Variants in DBX2 observed in about 807,000 individuals in gnomAD.
DBX2 encodes homeobox protein DBX2.
In DBX2, 16 loss-of-function variants were observed where a neutral mutation model predicts 17.7. That is an observed-to-expected ratio of 0.90 (90% CI 0.61 to 1.37). The LOEUF is 1.37. Ranked by LOEUF, DBX2 falls within the 40% of genes most tolerant of loss-of-function variation. The pLI, the probability that DBX2 is intolerant of heterozygous loss-of-function variation, is 0.00. For missense variants in DBX2, 538 were observed against 433.8 expected (o/e 1.24, Z -2.13); for synonymous variants, 255 against 183.8 (o/e 1.39, Z -3.13).
chr12:45,024,000 C>A (rs1476150088), intron 2 of DBX2, 106 bp from the exon 3 acceptor site: 1 of 1,123,796 alleles, frequency 8.9e-7, no homozygotes, highest in Non-Finnish European at 1.2e-6. Flanking sequence ...GGCCAAATGA[C>A]CTCATTTCAA....
intron 3 of DBX2, among the ~76,000 whole-genome samples, chr12:45,019,618 A>G (rs1440137665): frequency 6.6e-6 from 1 of 152,108 alleles, no homozygotes; most frequent in Non-Finnish European, 1.5e-5. Context: ...ACACTCTCTT[A>G]CAAAATATTT....
intron 1 of DBX2, among the ~76,000 whole-genome samples, chr12:45,040,816 C>A (rs2137030000): frequency 6.6e-6 from 1 of 152,046 alleles, no homozygotes; most frequent in South Asian, 2.1e-4. Flanking sequence ...TTTTTATTCT[C>A]CTTTAGTAAT....
rs943038816 is a variant in DBX2 at position 45,050,913 on chromosome 12, C to A, written c.15G>T (p.Ala5=). 4.0e-6 allele frequency: 6 copies of A among 1,499,756 alleles called. No individual in the cohort carries two copies. Among genetic ancestry groups the A allele is most frequent in the Non-Finnish European group, 4.4e-6 (5 of 1,125,298 alleles). The allele number at this position is 1,499,756 out of a possible 1,614,324, so 92.9% of individuals were successfully genotyped here. A position where few individuals can be genotyped will look rare whatever the true frequency, so the allele number is the denominator to read the frequency against. The part of the protein sequence containing the change: MLPS[A]VAAHAGAYWD... ...AGTACGCACCGGCGTGGGCTGCGAC[C>A]GCGCTGGGGAGCATAGTGCGGCGCC... is the stretch of plus-strand genomic sequence containing the variant. The change falls in exon 1 of 4, where the codon GCG becomes GCT. Residue 5 remains alanine, a synonymous_variant. Coordinates refer to ENST00000332700, the MANE Select transcript of DBX2 (RefSeq NM_001004329.3).
intron 2 of DBX2, among the ~76,000 whole-genome samples, chr12:45,035,614 A>G (rs377759891): frequency 2.2e-4 from 33 of 152,260 alleles, no homozygotes; most frequent in African/African-American, 7.5e-4. Flanking sequence ...CTCCATAGAC[A>G]CTTAGTGACT....
At chr12:45,039,488 C>A (rs894794817) in intron 1 of DBX2, among the ~76,000 whole-genome samples, 2 of 151,166 alleles carry the variant, frequency 1.3e-5, no homozygotes, top group East Asian at 3.9e-4. Context: ...TAATTTGATC[C>A]TAGATAAAAT....
chr12:45,034,713 T>C (rs1946426948), intron 2 of DBX2, among the ~76,000 whole-genome samples: 1 of 152,198 alleles, frequency 6.6e-6, no homozygotes, highest in Non-Finnish European at 1.5e-5. Context: ...AGAATGAGTC[T>C]ATAAAAGTCA....
rs1292633557 is a variant in DBX2, at chr12:45,031,219, TGTGTGTGAGAGAGAGAGAGA to T, written c.499+4780_499+4799del. 7.5e-3 allele frequency among the ~76,000 whole-genome samples: 654 copies of T among 87,586 alleles called. 5 individuals carry two copies. The highest frequency in any genetic ancestry group is 0.029 in the African/African-American group (619 of 21,630). The allele number at this position is 87,586 out of a possible 152,430, so 57.5% of individuals were successfully genotyped here. On this transcript the variant is annotated intron_variant, in intron 2 of 3. Coordinates refer to ENST00000332700, the MANE Select transcript of DBX2 (RefSeq NM_001004329.3). ...GTGTGTGTGTGTGTGTGTGTGTGTG[TGTGTGTGAGAGAGAGAGAGA>T]GAGAGAGAGAGAGAGAGATGTAATT...
Position 45,036,072 on chromosome 12 carries a change from GAGT to G in DBX2, c.443_445del (p.Tyr148del), listed in dbSNP as rs756053743. 17 of 1,613,766 alleles carry G rather than the reference GAGT, an allele frequency of 1.1e-5. No individual in the cohort carries two copies. In the African/African-American group the frequency reaches 1.2e-4, roughly 11 times the overall value. ...CCGACAGGACCCACCGCAGCACGCC[GAGT>G]AGAATGGCGGGGTGCTCAGAAGGAA... On this transcript the variant is annotated inframe_deletion, in exon 2 of 4. Coordinates refer to ENST00000332700, the MANE Select transcript of DBX2 (RefSeq NM_001004329.3).
intron 2 of DBX2, among the ~76,000 whole-genome samples, chr12:45,026,732 C>A (rs2137021944): frequency 6.6e-6 from 1 of 152,328 alleles, no homozygotes; most frequent in South Asian, 2.1e-4. Flanking sequence ...TCTCACTCTG[C>A]AAAACGAACG....
Position 45,050,884 on chromosome 12 carries a change from T to C in DBX2, c.44A>G (p.Asp15Gly), listed in dbSNP as rs1321217510. The C allele has an allele frequency of 3.3e-6, 5 of 1,525,924 alleles. No homozygotes were observed. The highest frequency in any genetic ancestry group is 2.9e-5 in the African/African-American group (2 of 70,112). The allele number at this position is 1,525,924 out of a possible 1,614,324, so 94.5% of individuals were successfully genotyped here. A position where few individuals can be genotyped will look rare whatever the true frequency, so the allele number is the denominator to read the frequency against. Residue 15 changes from aspartate (D) to glycine (G), a missense_variant, in exon 1 of 4, where the codon GAC (aspartate) becomes GGC (glycine). By Grantham distance (94) the Asp-to-Gly change is moderately conservative. Coordinates refer to ENST00000332700, the MANE Select transcript of DBX2 (RefSeq NM_001004329.3). ...AVAAHAGAYWDVVASSALLNL... is the reference protein window; with the variant it reads ...AVAAHAGAYWGVVASSALLNL... ...GAGGAGCGCGGAGGAAGCCACAACG[T>C]CCCAGTACGCACCGGCGTGGGCTGC...
intron 3 of DBX2, among the ~76,000 whole-genome samples, chr12:45,021,451 T>C (rs1246637517): frequency 1.3e-5 from 2 of 152,222 alleles, no homozygotes; most frequent in Non-Finnish European, 2.9e-5. Flanking sequence ...GGGACCACAA[T>C]AGGTACTATC....
At chr12:45,046,034 G>C (rs1376793155) in intron 1 of DBX2, among the ~76,000 whole-genome samples, 1 of 152,036 alleles carries the variant, frequency 6.6e-6, no homozygotes, top group Admixed American at 6.6e-5. Context: ...TAAACCTCAA[G>C]AGTTTTAGTA....
chr12:45,022,299 T>G (rs920756794), intron 3 of DBX2, among the ~76,000 whole-genome samples: 11 of 26,916 alleles, frequency 4.1e-4, no homozygotes, highest in Admixed American at 3.9e-3. Flanking sequence ...ATAATAACTG[T>G]TTTTTTTTTT....
intron 2 of DBX2, among the ~76,000 whole-genome samples, chr12:45,030,070 T>C (rs1946401492): frequency 6.6e-6 from 1 of 151,858 alleles, no homozygotes; most frequent in African/African-American, 2.4e-5. Context: ...CAAATGGAGG[T>C]ACACTGTGTG....
intron 1 of DBX2, among the ~76,000 whole-genome samples, chr12:45,040,347 T>A (rs534541773): frequency 6.6e-6 from 1 of 152,228 alleles, no homozygotes; most frequent in African/African-American, 2.4e-5. Flanking sequence ...CCTTGTGATC[T>A]TGTGTCAATA....
intron 1 of DBX2, among the ~76,000 whole-genome samples, chr12:45,045,531 A>C (rs1262360672): frequency 6.6e-6 from 1 of 152,180 alleles, no homozygotes; most frequent in Non-Finnish European, 1.5e-5. Flanking sequence ...TCAGCAGCAA[A>C]TCTAACTGTA....
chr12:45,046,739 G>C (rs1429779400), intron 1 of DBX2, among the ~76,000 whole-genome samples: 1 of 152,172 alleles, frequency 6.6e-6, no homozygotes, highest in Non-Finnish European at 1.5e-5. Flanking sequence ...TGGGTAAACA[G>C]TACTTGGGAT....
intron 3 of DBX2, among the ~76,000 whole-genome samples, chr12:45,018,238 G>A (rs183200664): frequency 3.3e-5 from 5 of 152,150 alleles, no homozygotes; most frequent in Admixed American, 6.5e-5. Flanking sequence ...ACAGTTTTTT[G>A]TTTTCATTAG....
intron 1 of DBX2, among the ~76,000 whole-genome samples, chr12:45,040,642 A>C (rs1946466056): frequency 6.6e-6 from 1 of 152,154 alleles, no homozygotes; most frequent in Admixed American, 6.6e-5. Flanking sequence ...TAAGATGGGA[A>C]CTTATAGCCA....
Sources: allele counts gnomAD v4.1 joint callset (sites outside exome capture counted in the v4.1 genomes callset), GRCh38; gene constraint gnomAD v4.1.1; transcripts MANE v1.5; gene names NCBI Gene and HGNC (gene_info 2026-07-23, HGNC 2026-07-21).